Variants in SCYL2 observed in about 807,000 individuals in gnomAD.
SCYL2 encodes the protein SCY1 like pseudokinase 2.
SCYL2 carries 36 observed loss-of-function variants against 100.4 expected under a neutral mutation model. The ratio of observed to expected loss-of-function variants is 0.36; its 90% CI spans 0.27 to 0.47. The LOEUF (loss-of-function observed/expected upper bound fraction) is 0.47. SCYL2 is among the 20% of genes least tolerant of loss of function. The pLI is 1.00. For missense variants in SCYL2, 902 were observed against 1,083.9 expected (o/e 0.83, Z 2.36); for synonymous variants, 330 against 359.2 (o/e 0.92, Z 0.92).
chr12:100,307,872 C>A (rs1157655889), intron 4 of SCYL2, among the ~76,000 whole-genome samples: 1 of 152,076 alleles, frequency 6.6e-6, no homozygotes, highest in Admixed American at 6.6e-5. Context: ...ATGCAGCCAA[C>A]AAACATATGA....
rs1483281504 is a variant in SCYL2 at position 100,335,699 on chromosome 12, G to A, written c.1929+8G>A. On this transcript the variant is annotated splice_region_variant and intron_variant, in intron 15 of 17. Coordinates refer to ENST00000360820, the MANE Select transcript of SCYL2 (RefSeq NM_017988.6). ...ACAAATATTGGGAATCAGGTAAGAA[G>A]CAGCTTAATTTTTGCAGAAAGTATG... 1.2e-6 allele frequency: 2 copies of A among 1,609,454 alleles called. No homozygotes were observed. The highest frequency in any genetic ancestry group is 1.3e-5 in the African/African-American group (1 of 74,762).
chr12:100,313,850 T>TA (rs1371353299), intron 7 of SCYL2, among the ~76,000 whole-genome samples: 1 of 151,978 alleles, frequency 6.6e-6, no homozygotes, highest in African/African-American at 2.4e-5. Context: ...AGAGAATTCA[T>TA]AGTCCTTTAT....
chr12:100,272,137 ATT>A (rs1399896059), intron 1 of SCYL2, among the ~76,000 whole-genome samples: 1 of 152,126 alleles, frequency 6.6e-6, no homozygotes, highest in Admixed American at 6.5e-5. Flanking sequence ...CCCAAATCCT[ATT>A]TTGGCTGAAA....
At chr12:100,309,755 C>T (rs545872055) in intron 4 of SCYL2, among the ~76,000 whole-genome samples, 78 of 152,296 alleles carry the variant, frequency 5.1e-4, no homozygotes, top group African/African-American at 1.6e-3. Flanking sequence ...ACAAACATCT[C>T]TGTAAGACCC....
chr12:100,310,538 G>A lies in SCYL2; in HGVS notation c.481-506G>A, dbSNP rs1292094893. Among the ~76,000 whole-genome samples the A allele has an allele frequency of 3.9e-5, 6 of 152,302 alleles. No homozygotes were observed. In the East Asian group the frequency reaches 5.8e-4, roughly 15 times the overall value. On this transcript the variant is annotated intron_variant, in intron 4 of 17. Coordinates refer to ENST00000360820, the MANE Select transcript of SCYL2 (RefSeq NM_017988.6). Reference sequence around the variant, plus strand: ...CCTTTAGTTTTGGTTGACACATTCCGTGGTGATGTCAGGGACAAATATAAA... The same window carrying A: ...CCTTTAGTTTTGGTTGACACATTCCATGGTGATGTCAGGGACAAATATAAA...
chr12:100,325,528 A>T (rs1286682706), intron 11 of SCYL2, among the ~76,000 whole-genome samples: 2 of 152,148 alleles, frequency 1.3e-5, no homozygotes, highest in Non-Finnish European at 2.9e-5. Flanking sequence ...CCCAAATTGT[A>T]TTCATAGTCC....
intron 2 of SCYL2, among the ~76,000 whole-genome samples, chr12:100,286,399 G>A (rs892653085): frequency 2.6e-5 from 4 of 152,056 alleles, no homozygotes; most frequent in African/African-American, 9.7e-5. Flanking sequence ...TAACATTTAT[G>A]AGTAGTCTTC....
chr12:100,286,369 C>G (rs2096304454), intron 2 of SCYL2, among the ~76,000 whole-genome samples: 1 of 152,070 alleles, frequency 6.6e-6, no homozygotes. Flanking sequence ...CAAGGAATTA[C>G]CCTTCAAAAT....
intron 4 of SCYL2, among the ~76,000 whole-genome samples, chr12:100,301,039 GGT>G (rs1165842354): frequency 2.0e-5 from 3 of 152,148 alleles, no homozygotes; most frequent in Non-Finnish European, 4.4e-5. Flanking sequence ...TGGATTGTAT[GGT>G]AGCTCAAATT....
At chr12:100,318,329 C>CTTTTTTTT (rs1052095844) in intron 10 of SCYL2, among the ~76,000 whole-genome samples, 5 of 130,972 alleles carry the variant, frequency 3.8e-5, no homozygotes, top group Non-Finnish European at 6.5e-5. Context: ...TCTTTTCTTT[C>CTTTTTTTT]TTTTTTTTTT....
intron 10 of SCYL2, among the ~76,000 whole-genome samples, chr12:100,318,972 C>G (rs1004503598): frequency 1.5e-4 from 23 of 152,136 alleles, no homozygotes; most frequent in African/African-American, 5.3e-4. Flanking sequence ...AGTTTTTTCA[C>G]TTTGAAAATA....
At chr12:100,338,506 G>T in intron 17 of SCYL2, 22 bp from the exon 18 acceptor site, 1 of 1,500,294 alleles carries the variant, frequency 6.7e-7, no homozygotes, top group Non-Finnish European at 9.0e-7. Flanking sequence ...TAGAGATAAA[G>T]TAATTCTCTC....
intron 3 of SCYL2, among the ~76,000 whole-genome samples, chr12:100,295,272 C>A (rs1227336911): frequency 1.3e-5 from 2 of 151,654 alleles, no homozygotes; most frequent in Non-Finnish European, 2.9e-5. Context: ...CAGGCAGAGA[C>A]GCTCCTCACT....
At chr12:100,296,316 C>T (rs1328626519) in intron 3 of SCYL2, among the ~76,000 whole-genome samples, 1 of 152,110 alleles carries the variant, frequency 6.6e-6, no homozygotes, top group Non-Finnish European at 1.5e-5. Flanking sequence ...AGGAAATGCA[C>T]TTCAGAAAGA....
At position 100,334,237 on chromosome 12, in the gene SCYL2, G is replaced by T. The variant is rs761951988; in HGVS notation, c.1833G>T (p.Glu611Asp). 5.0e-6 allele frequency: 8 copies of T among 1,600,424 alleles called. No individual in the cohort carries two copies. Among genetic ancestry groups the T allele is most frequent in the Non-Finnish European group, 6.8e-6 (8 of 1,171,442 alleles). The change falls in exon 14 of 18, where the codon GAG (glutamate) becomes GAT (aspartate). Residue 611 changes from glutamate (E) to aspartate (D), a missense_variant. Physicochemically the swap from Glu to Asp is conservative, Grantham distance 45. Transcript: ENST00000360820. Reference sequence around the variant, plus strand: ...AGTCTGAACATAAGACTAAACTGGAGCAACTTCATATAATGCAAGAACAGC... The same window carrying T: ...AGTCTGAACATAAGACTAAACTGGATCAACTTCATATAATGCAAGAACAGC... ...RLESEHKTKLEQLHIMQEQQK... is the reference protein window; with the variant it reads ...RLESEHKTKLDQLHIMQEQQK...
rs558495731 is a variant in SCYL2 at position 100,334,160 on chromosome 12, T to C, written c.1762-6T>C. On this transcript the variant is annotated splice_region_variant and splice_polypyrimidine_tract_variant and intron_variant, in intron 13 of 17. Transcript: ENST00000360820. ...TTGTAACCATATCAATTTCTCATTA[T>C]ACCAGTTCAATTCTTTCATTTCCGT... 33 of 1,505,626 alleles carry C rather than the reference T, an allele frequency of 2.2e-5. No individual in the cohort carries two copies. The highest frequency in any genetic ancestry group is 2.9e-5 in the Non-Finnish European group (32 of 1,085,750). The allele number at this position is 1,505,626 out of a possible 1,614,324, so 93.3% of individuals were successfully genotyped here.
intron 11 of SCYL2, among the ~76,000 whole-genome samples, chr12:100,324,791 A>G (rs2096359881): frequency 6.6e-6 from 1 of 152,210 alleles, no homozygotes; most frequent in African/African-American, 2.4e-5. Context: ...AAAATTCTCA[A>G]TTTTACAATT....
chr12:100,328,834 T>C (rs1952171299), intron 12 of SCYL2, among the ~76,000 whole-genome samples: 1 of 152,208 alleles, frequency 6.6e-6, no homozygotes, highest in South Asian at 2.1e-4. Context: ...TTGAAATAGA[T>C]GCCTTGAGTA....
At chr12:100,325,670 C>T (rs1308385381) in intron 11 of SCYL2, among the ~76,000 whole-genome samples, 1 of 152,034 alleles carries the variant, frequency 6.6e-6, no homozygotes, top group African/African-American at 2.4e-5. Flanking sequence ...CCTCCAAGAG[C>T]TATATTTATT....
Sources: gnomAD v4.1 joint callset for allele counts (sites outside exome capture counted in the v4.1 genomes callset) on GRCh38, gnomAD v4.1.1 for gene constraint, MANE v1.5 for transcripts, NCBI Gene and HGNC (gene_info 2026-07-23, HGNC 2026-07-21) for gene names.